The following SEC24B variants were observed in gnomAD, a reference collection of about 807,000 sequenced individuals.
The protein encoded by SEC24B is SEC24 homolog B, COPII component.
SEC24B carries 45 observed loss-of-function variants against 142.8 expected under a neutral mutation model. That is an observed-to-expected ratio of 0.32 (90% CI 0.25 to 0.40). The LOEUF is 0.40. Among genes scored for constraint, SEC24B ranks in the 10% least tolerant of loss-of-function variants. The pLI, the probability that SEC24B is intolerant of heterozygous loss-of-function variation, is 1.00. For synonymous variants in SEC24B, 574 were observed against 568.2 expected (o/e 1.01, Z -0.15); for missense variants, 1,409 against 1,526.8 (o/e 0.92, Z 1.29).
chr4:109,449,567 T>G, intron 1 of SEC24B: 1 of 454,590 alleles, frequency 2.2e-6, no homozygotes, highest in South Asian at 1.6e-5. Context: ...GCTGGAAGTT[T>G]GAGAGAGTGT....
intron 1 of SEC24B, among the ~76,000 whole-genome samples, chr4:109,459,194 C>G (rs1454736818): frequency 6.6e-6 from 1 of 152,114 alleles, no homozygotes; most frequent in Non-Finnish European, 1.5e-5. Context: ...AAAACTGAAG[C>G]AGGTACACGA....
At chr4:109,510,134 T>C in intron 8 of SEC24B, 23 bp downstream of exon 8, 7 of 1,353,396 alleles carry the variant, frequency 5.2e-6, no homozygotes, top group Non-Finnish European at 6.3e-6. Flanking sequence ...TTTATAATAT[T>C]TATGGGTACT....
intron 4 of SEC24B, among the ~76,000 whole-genome samples, chr4:109,484,809 G>GC (rs554167880): frequency 1.4e-5 from 2 of 144,714 alleles, no homozygotes; most frequent in Non-Finnish European, 3.0e-5. Context: ...CCGAGATCAC[G>GC]CCACTGCCCT....
At chr4:109,459,892 T>G (rs980209941) in intron 1 of SEC24B, among the ~76,000 whole-genome samples, 1 of 152,148 alleles carries the variant, frequency 6.6e-6, no homozygotes, top group Non-Finnish European at 1.5e-5. Flanking sequence ...GACACTACAG[T>G]GAAAGGTAGC....
At chr4:109,436,948 T>A (rs1728461788) in intron 1 of SEC24B, among the ~76,000 whole-genome samples, 1 of 152,226 alleles carries the variant, frequency 6.6e-6, no homozygotes, top group South Asian at 2.1e-4. Context: ...TAAATTTAAA[T>A]GTTTTCCTGA....
In SEC24B at chr4:109,516,638, CAAGT is replaced by C; in HGVS notation, c.2126+2_2126+5del. ...GCCAGTCACTCCTAGAAAATCTAGA[CAAGT>C]AAGAATATTTTTAATTCATACTATA... On this transcript the variant is annotated splice_donor_variant and coding_sequence_variant, in exon 11 of 24. Coordinates refer to ENST00000265175, the MANE Select transcript of SEC24B (RefSeq NM_006323.5). LOFTEE classifies it high-confidence loss of function. 2 of 1,538,082 alleles carry C rather than the reference CAAGT, an allele frequency of 1.3e-6. No homozygotes were observed. The highest frequency in any genetic ancestry group is 1.8e-6 in the Non-Finnish European group (2 of 1,113,482).
At chr4:109,496,518 A>C (rs1429149341) in intron 6 of SEC24B, among the ~76,000 whole-genome samples, 2 of 152,176 alleles carry the variant, frequency 1.3e-5, no homozygotes, top group African/African-American at 4.8e-5. Flanking sequence ...AAAATGAGAA[A>C]TAGGATAATC....
In SEC24B at chr4:109,473,031, T is replaced by C. The variant is rs1476509153; in HGVS notation, c.905T>C (p.Met302Thr). The C allele has an allele frequency of 7.6e-6, 12 of 1,587,844 alleles. No homozygotes were observed. The highest frequency in any genetic ancestry group is 1.0e-5 in the Non-Finnish European group (12 of 1,168,660). ...GCAGATTCTTTATCCTGTCCTGTTA[T>C]GCAAAATGTTCAGCCTCCCAAGTCC... ...TVADSLSCPV[M>T]QNVQPPKSSP... is the part of the protein sequence containing the mutation. The change falls in exon 3 of 24, where the codon ATG (methionine) becomes ACG (threonine). Residue 302 changes from methionine to threonine, a missense_variant. Physicochemically the swap from Met to Thr is moderately conservative, Grantham distance 81. Around this residue, in one of 2 missense-constraint regions of SEC24B, gnomAD observed 709 missense variants for 673.5 expected, o/e 1.05. Transcript: ENST00000265175.
intron 11 of SEC24B, 84 bp from the exon 12 acceptor site, chr4:109,520,282 G>C (rs1723457508): frequency 2.4e-6 from 2 of 836,362 alleles, no homozygotes; most frequent in Non-Finnish European, 3.9e-6. Context: ...ATTATCCTTG[G>C]ACTTAAATTA....
chr4:109,518,356 G>A lies in SEC24B; in HGVS notation c.2126+1716G>A, dbSNP rs910048472. Among the ~76,000 whole-genome samples the A allele has an allele frequency of 6.6e-5, 10 of 152,312 alleles. No individual in the cohort carries two copies. In the East Asian group the frequency reaches 1.4e-3, roughly 21 times the overall value. On this transcript the variant is annotated intron_variant, in intron 11 of 23. Coordinates refer to ENST00000265175, the MANE Select transcript of SEC24B (RefSeq NM_006323.5). ...TTTCACTCCAACACCCACAAGAGATGTGGCTTCAGGTTGTTAGTGAGAGTG... is the reference window on the plus strand; with the variant it reads ...TTTCACTCCAACACCCACAAGAGATATGGCTTCAGGTTGTTAGTGAGAGTG...
intron 3 of SEC24B, among the ~76,000 whole-genome samples, chr4:109,477,935 G>A (rs1733342764): frequency 6.6e-6 from 1 of 152,134 alleles, no homozygotes; most frequent in Admixed American, 6.6e-5. Flanking sequence ...TTGAGTTTTA[G>A]TGAGTATGTT....
At chr4:109,440,120 C>CA (rs765506866) in intron 1 of SEC24B, among the ~76,000 whole-genome samples, 236 of 92,484 alleles carry the variant, frequency 2.6e-3, no homozygotes, top group Middle Eastern at 7.2e-3. Context: ...GACTTCGTCG[C>CA]AAAAAAAAAA....
rs957932842 is a variant in SEC24B, at chr4:109,540,856, T to G, written c.*1181T>G. ...AAGATCACGCCACTGCACTCCAGCC[T>G]GGGCAACAGAGTGAGACTCCATCTT... On this transcript the variant is annotated 3_prime_UTR_variant, in exon 24 of 24. Coordinates refer to ENST00000265175, the MANE Select transcript of SEC24B (RefSeq NM_006323.5). 3 of 151,254 alleles carry G rather than the reference T, an allele frequency of 2.0e-5. No homozygotes were observed. The highest frequency in any genetic ancestry group is 7.3e-5 in the African/African-American group (3 of 41,050). 9.4% of individuals were successfully genotyped at this position (151,254 alleles called of 1,614,324 possible).
In SEC24B at chr4:109,526,218, C is replaced by T. The variant is rs1364145948; in HGVS notation, c.2792-8C>T. The T allele has an allele frequency of 6.2e-7, 1 of 1,610,442 alleles. No individual in the cohort carries two copies. The highest frequency in any genetic ancestry group is 1.3e-5 in the African/African-American group (1 of 74,772). The stretch of plus-strand genomic sequence containing the variant: ...TAACTTGATTTTTTATGATTTTCTC[C>T]TTTTTAGGTCTTTCAATGCACACTT... On this transcript the variant is annotated splice_polypyrimidine_tract_variant and splice_region_variant and intron_variant, in intron 16 of 23. Transcript: ENST00000265175.
intron 2 of SEC24B, among the ~76,000 whole-genome samples, chr4:109,466,552 C>T (rs931330249): frequency 2.6e-5 from 4 of 152,060 alleles, no homozygotes; most frequent in African/African-American, 7.2e-5. Flanking sequence ...CTGGGACTAG[C>T]GGCACCCGCC....
At chr4:109,503,136 T>G (rs1311630724) in intron 6 of SEC24B, among the ~76,000 whole-genome samples, 3 of 151,530 alleles carry the variant, frequency 2.0e-5, no homozygotes, top group Non-Finnish European at 4.4e-5. Flanking sequence ...CTTGGCTCAC[T>G]GCAACCTCTG....
chr4:109,516,694 G>GC, intron 11 of SEC24B, 54 bp downstream of exon 11: 2 of 1,041,272 alleles, frequency 1.9e-6, no homozygotes, highest in South Asian at 1.5e-5. Flanking sequence ...ATATATAAAT[G>GC]TGTATAAATA....
intron 3 of SEC24B, among the ~76,000 whole-genome samples, chr4:109,473,757 C>T (rs1429404566): frequency 6.6e-6 from 1 of 152,150 alleles, no homozygotes. Flanking sequence ...CCTGCTTCCC[C>T]ACATTGTTTC....
chr4:109,445,030 C>T (rs1360306814), intron 1 of SEC24B, among the ~76,000 whole-genome samples: 4 of 151,916 alleles, frequency 2.6e-5, no homozygotes, highest in African/African-American at 9.7e-5. Context: ...GTCAGGTGAT[C>T]CTCCCACCTC....
Sources: allele counts gnomAD v4.1 joint callset (sites outside exome capture counted in the v4.1 genomes callset), GRCh38; gene constraint gnomAD v4.1.1; regional missense constraint gnomAD v4.1.1; transcripts MANE v1.5; gene names NCBI Gene and HGNC (gene_info 2026-07-23, HGNC 2026-07-21).